ELP2: variants seen among roughly 807,000 people sequenced by gnomAD.
The protein encoded by ELP2 is elongator acetyltransferase complex subunit 2.
A neutral mutation model predicts 119.2 loss-of-function variants in ELP2; 90 were observed. That is an observed-to-expected ratio of 0.75 (90% confidence interval 0.64 to 0.90). The LOEUF is 0.90. Among genes scored for constraint, ELP2 ranks in the 40% least tolerant of loss-of-function variants. ELP2 has a pLI of 0.00. For missense variants in ELP2, 921 were observed against 967.8 expected (o/e 0.95, Z 0.64); for synonymous variants, 339 against 331.0 (o/e 1.02, Z -0.26).
At position 36,167,232 on chromosome 18, in the gene ELP2, T is replaced by A; in HGVS notation, c.2076+10T>A. On this transcript the variant is annotated intron_variant, in intron 19 of 21. Transcript: ENST00000358232. ...GAGTCGAGACAAAAAGGTAATTATTTAAAAATTTAATATTTTTTCAAATGT... is the reference window on the plus strand; with the variant it reads ...GAGTCGAGACAAAAAGGTAATTATTAAAAAATTTAATATTTTTTCAAATGT... The A allele has an allele frequency of 6.4e-7, 1 of 1,559,802 alleles. No homozygotes were observed. The highest frequency in any genetic ancestry group is 8.7e-7 in the Non-Finnish European group (1 of 1,147,852).
chr18:36,137,803 C>CAAAAAAAAAA (rs57722627), intron 3 of ELP2, among the ~76,000 whole-genome samples: 1 of 103,684 alleles, frequency 9.6e-6, no homozygotes, highest in Non-Finnish European at 1.9e-5. Context: ...ATATTATCAC[C>CAAAAAAAAAA]AAAAAAAAAA....
rs1454059045 is a variant in ELP2, at chr18:36,142,226, T to A, written c.589-55T>A. On this transcript the variant is annotated intron_variant, in intron 6 of 21. Coordinates refer to ENST00000358232, the MANE Select transcript of ELP2 (RefSeq NM_018255.4). ...GTCTGAGACCAAATGATGTCACTGG[T>A]ATACATGAAGATGTTAAATTCTTAC... 41 of 1,382,038 alleles carry A rather than the reference T, an allele frequency of 3.0e-5. 1 individual carries two copies. Among genetic ancestry groups the A allele is most frequent in the Middle Eastern group, 1.8e-4 (1 of 5,650 alleles). The allele number at this position is 1,382,038 out of a possible 1,614,324, so 85.6% of individuals were successfully genotyped here. A position where few individuals can be genotyped will look rare whatever the true frequency, so the allele number is the denominator to read the frequency against.
chr18:36,151,381 C>A (rs953715300), intron 11 of ELP2, among the ~76,000 whole-genome samples: 1 of 152,146 alleles, frequency 6.6e-6, no homozygotes, highest in African/African-American at 2.4e-5. Context: ...CCCTGACCTG[C>A]CCTGCCTTCC....
rs1202451688 is a variant in ELP2, at chr18:36,156,087, TG to T, written c.1276-377del. Among the ~76,000 whole-genome samples, 21 of 152,290 alleles carry T rather than the reference TG, an allele frequency of 1.4e-4. No homozygotes were observed. The East Asian group carries it at 3.9e-3, about 28-fold the overall frequency. On this transcript the variant is annotated intron_variant, in intron 12 of 21. Coordinates refer to ENST00000358232, the MANE Select transcript of ELP2 (RefSeq NM_018255.4). ...TACTGGTAAACTTTGAACTGCTATG[TG>T]GTAGAGAAAATCAGGATCCTCTGCT...
intron 3 of ELP2, 116 bp downstream of exon 3, chr18:36,136,493 T>C: frequency 1.2e-6 from 1 of 824,168 alleles, no homozygotes; most frequent in Non-Finnish European, 2.1e-6. Context: ...GTGGCTCACC[T>C]CAGCCTCCTA....
chr18:36,159,203 C>G (rs2090658510), intron 14 of ELP2, among the ~76,000 whole-genome samples: 1 of 151,796 alleles, frequency 6.6e-6, no homozygotes, highest in Non-Finnish European at 1.5e-5. Flanking sequence ...ACCTCTGCCT[C>G]CTGGCTTCAA....
At chr18:36,138,132 A>G in intron 3 of ELP2, 138 bp from the exon 4 acceptor site, 2 of 769,060 alleles carry the variant, frequency 2.6e-6, no homozygotes, top group Non-Finnish European at 2.1e-6. Flanking sequence ...ACATGGTCAG[A>G]CAGACTTCTT....
intron 19 of ELP2, 182 bp from the exon 20 acceptor site, chr18:36,169,881 C>T (rs1438552741): frequency 1.2e-5 from 9 of 736,564 alleles, no homozygotes; most frequent in South Asian, 4.9e-5. Context: ...TCTGCTGTAC[C>T]GTGCCTTCTT....
In ELP2 at chr18:36,165,657, G is replaced by A. The variant is rs113830359; in HGVS notation, c.1954+990G>A. On this transcript the variant is annotated intron_variant, in intron 18 of 21. Coordinates refer to ENST00000358232, the MANE Select transcript of ELP2 (RefSeq NM_018255.4). ...AGCACTTTGGGAGGCCGAGGTGGGC[G>A]GATCACCTGAGGTCAGGAGTTCAAC... Among the ~76,000 whole-genome samples the A allele has an allele frequency of 7.9e-3, 1,206 of 152,284 alleles. 16 individuals carry two copies. The highest frequency in any genetic ancestry group is 0.028 in the African/African-American group (1,150 of 41,560).
In ELP2 at chr18:36,158,733, G is replaced by A. The variant is rs531224810; in HGVS notation, c.1465-102G>A. The stretch of plus-strand genomic sequence containing the variant: ...AAACTGTTTCTCAGCATTTATGAGC[G>A]TGACTTTTTTGTAGTGCCTGAAGTA... On this transcript the variant is annotated intron_variant, in intron 13 of 21. Coordinates refer to ENST00000358232, the MANE Select transcript of ELP2 (RefSeq NM_018255.4). 1.2e-4 allele frequency: 100 copies of A among 805,714 alleles called. 1 individual carries two copies. The highest frequency in any genetic ancestry group is 1.7e-4 in the Non-Finnish European group (83 of 480,888). 49.9% of individuals were successfully genotyped at this position (805,714 alleles called of 1,614,324 possible).
At chr18:36,146,174 C>T (rs1020809465) in intron 10 of ELP2, 76 bp from the exon 11 acceptor site, 2 of 1,596,414 alleles carry the variant, frequency 1.3e-6, no homozygotes, top group East Asian at 4.5e-5. Flanking sequence ...ATTTAACAGT[C>T]TCTGGAATCA....
rs368302984 is a variant in ELP2, at chr18:36,146,026, A to T, written c.971A>T (p.Glu324Val). ...KTMILWAPDE[E>V]SGVWLEQVRV... ...ATGATTCTCTGGGCTCCAGATGAAG[A>T]GTCAGGAGTTTGGCTAGAACAGGTA... The change falls in exon 10 of 22, where the codon GAG becomes GTG. Residue 324 changes from glutamate to valine, a missense_variant. By Grantham distance (121) the Glu-to-Val change is moderately radical. Coordinates refer to ENST00000358232, the MANE Select transcript of ELP2 (RefSeq NM_018255.4). 4 of 1,613,904 alleles carry T rather than the reference A, an allele frequency of 2.5e-6. No homozygotes were observed. In the African/African-American group the frequency reaches 5.3e-5, roughly 22 times the overall value.
chr18:36,145,264 A>G (rs2090161630), intron 9 of ELP2: 2 of 497,522 alleles, frequency 4.0e-6, no homozygotes, highest in East Asian at 3.6e-5. Flanking sequence ...TGCTGAAACT[A>G]CCACACCCCC....
Position 36,142,935 on chromosome 18 carries a change from G to A in ELP2, c.765G>A (p.Leu255=), listed in dbSNP as rs770106117. The part of the protein sequence containing the change: ...LETQDDDNIR[L]KENTFTIENE... ...CTCAGGATGACGATAACATAAGACT[G>A]AAAGAAAATACTTTTACCATAGAAA... Residue 255 remains leucine, a synonymous_variant, in exon 8 of 22, where the codon CTG becomes CTA. Coordinates refer to ENST00000358232, the MANE Select transcript of ELP2 (RefSeq NM_018255.4). 16 of 1,588,878 alleles carry A rather than the reference G, an allele frequency of 1.0e-5. No individual in the cohort carries two copies. Among genetic ancestry groups the A allele is most frequent in the Non-Finnish European group, 1.3e-5 (15 of 1,161,388 alleles).
chr18:36,159,834 A>G lies in ELP2; in HGVS notation c.1630+4A>G. 3 of 1,613,198 alleles carry G rather than the reference A, an allele frequency of 1.9e-6. No individual in the cohort carries two copies. Among genetic ancestry groups the G allele is most frequent in the Non-Finnish European group, 2.5e-6 (3 of 1,179,226 alleles). ...TTTCAGCCCTCCATACTTACTGGTA[A>G]GATGTGACAAAGACAATTTAATAAA... On this transcript the variant is annotated splice_donor_region_variant and intron_variant, in intron 15 of 21. Coordinates refer to ENST00000358232, the MANE Select transcript of ELP2 (RefSeq NM_018255.4).
rs1349629710 is a variant in ELP2 at position 36,179,630 on chromosome 18, A to T, written c.*4989A>T. The T allele has an allele frequency of 6.6e-6, 1 of 152,266 alleles. No homozygotes were observed. The highest frequency in any genetic ancestry group is 1.5e-5 in the Non-Finnish European group (1 of 68,082). 9.4% of individuals were successfully genotyped at this position (152,266 alleles called of 1,614,324 possible). A position where few individuals can be genotyped will look rare whatever the true frequency, so the allele number is the denominator to read the frequency against. ...CTCTTGCAGGGGCTCTCCTGCAGCA[A>T]GGTGCCTGCTGACTGTCCCCAGACT... On this transcript the variant is annotated 3_prime_UTR_variant, in exon 22 of 22. Coordinates refer to ENST00000358232, the MANE Select transcript of ELP2 (RefSeq NM_018255.4).
intron 11 of ELP2, among the ~76,000 whole-genome samples, chr18:36,150,648 C>T (rs2090366690): frequency 6.6e-6 from 1 of 152,192 alleles, no homozygotes; most frequent in African/African-American, 2.4e-5. Flanking sequence ...TTTATCCTTC[C>T]CAGCACTCTA....
intron 8 of ELP2, 26 bp downstream of exon 8, chr18:36,142,992 A>G (rs369837738): frequency 2.2e-5 from 33 of 1,528,468 alleles, no homozygotes; most frequent in African/African-American, 9.6e-5. Flanking sequence ...AATATCCAAT[A>G]TAACGATACT....
chr18:36,169,371 T>C (rs984873168), intron 19 of ELP2, among the ~76,000 whole-genome samples: 52 of 146,972 alleles, frequency 3.5e-4, no homozygotes, highest in African/African-American at 1.3e-3. Context: ...GAGGAAGAGC[T>C]AGAAAGCTGA....
Sources: allele counts gnomAD v4.1 joint callset (sites outside exome capture counted in the v4.1 genomes callset), GRCh38; gene constraint gnomAD v4.1.1; transcripts MANE v1.5; gene names NCBI Gene and HGNC (gene_info 2026-07-23, HGNC 2026-07-21).